ZNF236: variants seen among roughly 807,000 people sequenced by gnomAD.
ZNF236 encodes regulated by glucose.
In ZNF236, 50 loss-of-function variants were observed where a neutral mutation model predicts 191.2. The ratio of observed to expected loss-of-function variants is 0.26; its 90% CI spans 0.21 to 0.33. The LOEUF (loss-of-function observed/expected upper bound fraction) is 0.33, where lower values mean the gene tolerates loss of function less well. ZNF236 is among the 10% of genes least tolerant of loss of function. The probability of loss-of-function intolerance (pLI) is 1.00; values close to 1 mark genes in which losing one functional copy is unlikely to be tolerated. For synonymous variants in ZNF236, 907 were observed against 928.8 expected (o/e 0.98, Z 0.43); for missense variants, 1,754 against 2,374.5 (o/e 0.74, Z 5.43).
chr18:76,861,817 G>A (rs762797885), intron 3 of ZNF236, among the ~76,000 whole-genome samples: 2 of 152,128 alleles, frequency 1.3e-5, no homozygotes, highest in African/African-American at 4.8e-5. Flanking sequence ...GGTGGCGGAC[G>A]GTTGGAGGGA....
intron 4 of ZNF236, among the ~76,000 whole-genome samples, chr18:76,869,651 A>G (rs111645643): frequency 9.2e-5 from 14 of 152,298 alleles, no homozygotes; most frequent in African/African-American, 3.1e-4. Flanking sequence ...AATTTCTCCA[A>G]CAAACTCTAA....
Position 76,871,508 on chromosome 18 carries a change from T to G in ZNF236, c.543-193T>G, listed in dbSNP as rs146219774. ...AAAACAAATTTTTTTTCATCAAAAA[T>G]AGAGAAAAATGAGTTTTATGATTTT... On this transcript the variant is annotated intron_variant, in intron 4 of 30. Transcript: ENST00000320610. Among the ~76,000 whole-genome samples, 408 of 152,260 alleles carry G rather than the reference T, an allele frequency of 2.7e-3. 1 individual carries two copies. The highest frequency in any genetic ancestry group is 9.3e-3 in the African/African-American group (387 of 41,556).
chr18:76,857,031 G>A (rs1039688050), intron 3 of ZNF236, among the ~76,000 whole-genome samples: 6 of 152,238 alleles, frequency 3.9e-5, no homozygotes, highest in Admixed American at 6.5e-5. Context: ...CATCCCCGCA[G>A]GGCCTCCCTG....
rs1030498363 is a variant in ZNF236 at position 76,970,364 on chromosome 18, A to C, written c.*2025A>C. 1 of 152,636 alleles carries C rather than the reference A, an allele frequency of 6.6e-6. No homozygotes were observed. The highest frequency in any genetic ancestry group is 1.5e-5 in the Non-Finnish European group (1 of 68,032). The allele number at this position is 152,636 out of a possible 1,614,324, so 9.5% of individuals were successfully genotyped here. On this transcript the variant is annotated 3_prime_UTR_variant, in exon 31 of 31. Transcript: ENST00000320610. Reference sequence around the variant, plus strand: ...GCCTTAACAGGTGAATCTAGAGCCTACTTTTATTTTGGTTAAAGAAAAAGA... The same window carrying C: ...GCCTTAACAGGTGAATCTAGAGCCTCCTTTTATTTTGGTTAAAGAAAAAGA...
At chr18:76,958,275 A>G (rs1394094666) in intron 28 of ZNF236, among the ~76,000 whole-genome samples, 2 of 152,210 alleles carry the variant, frequency 1.3e-5, no homozygotes, top group East Asian at 3.9e-4. Context: ...AGCACTTTCT[A>G]GGGAGAACTA....
intron 1 of ZNF236, among the ~76,000 whole-genome samples, chr18:76,848,786 C>T (rs1265018748): frequency 6.6e-6 from 1 of 152,146 alleles, no homozygotes; most frequent in African/African-American, 2.4e-5. Flanking sequence ...CCACCTCAGC[C>T]TCCCGAATAG....
chr18:76,909,182 G>A (rs1296035945), intron 14 of ZNF236, among the ~76,000 whole-genome samples: 2 of 152,048 alleles, frequency 1.3e-5, no homozygotes, highest in African/African-American at 4.8e-5. Flanking sequence ...GGGTGTGGTG[G>A]TGCATACCTG....
chr18:76,924,168 A>G (rs1967614370), intron 21 of ZNF236, among the ~76,000 whole-genome samples: 1 of 152,032 alleles, frequency 6.6e-6, no homozygotes, highest in Non-Finnish European at 1.5e-5. Flanking sequence ...GGCTCCCTGT[A>G]TTTATCTCTT....
Position 76,831,647 on chromosome 18 carries a change from A to G in ZNF236, c.55+8985A>G, listed in dbSNP as rs75237288. Among the ~76,000 whole-genome samples, 12 of 152,336 alleles carry G rather than the reference A, an allele frequency of 7.9e-5. No homozygotes were observed. In the East Asian group the frequency reaches 1.9e-3, roughly 24 times the overall value. On this transcript the variant is annotated intron_variant, in intron 1 of 30. Coordinates refer to ENST00000320610, the MANE Select transcript of ZNF236 (RefSeq NM_001306089.2). The stretch of plus-strand genomic sequence containing the variant: ...TTCCAAAGTGGTTGTACCATTTTGT[A>G]TTCTCACCAGGAATGAATGAGAGTT...
At chr18:76,966,719 A>G (rs1425292495) in intron 30 of ZNF236, among the ~76,000 whole-genome samples, 1 of 152,078 alleles carries the variant, frequency 6.6e-6, no homozygotes, top group Non-Finnish European at 1.5e-5. Context: ...TTGATTCGCT[A>G]ACGTTCATGC....
chr18:76,945,236 T>C (rs1165059650), intron 26 of ZNF236, among the ~76,000 whole-genome samples: 1 of 152,256 alleles, frequency 6.6e-6, no homozygotes, highest in African/African-American at 2.4e-5. Flanking sequence ...TATTAATTTA[T>C]TGAGCCAATT....
intron 3 of ZNF236, among the ~76,000 whole-genome samples, chr18:76,864,196 CTTTTTTTTTTT>C (rs1202084465): frequency 1.2e-4 from 16 of 132,176 alleles, no homozygotes; most frequent in Admixed American, 1.1e-3. Context: ...CAACAAATAT[CTTTTTTTTTTT>C]TTTTTTTTTT....
At chr18:76,921,311 C>T (rs1400346698) in intron 20 of ZNF236, among the ~76,000 whole-genome samples, 1 of 152,270 alleles carries the variant, frequency 6.6e-6, no homozygotes, top group African/African-American at 2.4e-5. Context: ...CCTTCAACAG[C>T]GAGCTCTCGT....
intron 26 of ZNF236, among the ~76,000 whole-genome samples, chr18:76,943,794 C>T (rs1489481563): frequency 6.6e-6 from 1 of 152,140 alleles, no homozygotes; most frequent in South Asian, 2.1e-4. Context: ...CTTTCTTAGC[C>T]TTGATCTTCT....
rs1212144145 is a variant in ZNF236, at chr18:76,910,082, C to G, written c.2566C>G (p.Pro856Ala). Reference protein sequence around the residue: ...LEADEDGFVAPQDPLRGHVDQ... With the variant: ...LEADEDGFVAAQDPLRGHVDQ... ...CTCATCCTCAGATGGGTTTGTGGCT[C>G]CACAGGACCCTCTGCGAGGGCACGT... Residue 856 changes from proline (P) to alanine (A), a missense_variant, in exon 15 of 31, where the codon CCA (proline) becomes GCA (alanine). Physicochemically the swap from Pro to Ala is conservative, Grantham distance 27. Transcript: ENST00000320610. 1 of 1,612,688 alleles carries G rather than the reference C, an allele frequency of 6.2e-7. No individual in the cohort carries two copies. Among genetic ancestry groups the G allele is most frequent in the South Asian group, 1.1e-5 (1 of 91,006 alleles).
At chr18:76,841,964 G>T (rs985762815) in intron 1 of ZNF236, among the ~76,000 whole-genome samples, 1 of 152,178 alleles carries the variant, frequency 6.6e-6, no homozygotes, top group Non-Finnish European at 1.5e-5. Flanking sequence ...CTCCCAAAGT[G>T]CTGGGATTGC....
intron 10 of ZNF236, 150 bp downstream of exon 10, chr18:76,895,435 C>A: frequency 9.2e-7 from 1 of 1,092,560 alleles, no homozygotes; most frequent in Non-Finnish European, 1.3e-6. Context: ...AAGTATCACA[C>A]ACAGTACTGC....
intron 5 of ZNF236, among the ~76,000 whole-genome samples, chr18:76,872,425 A>G (rs982036715): frequency 5.3e-5 from 8 of 152,232 alleles, no homozygotes. Context: ...TGATCGTGCC[A>G]CTGCACTCCA....
At chr18:76,861,229 C>T (rs979608608) in intron 3 of ZNF236, among the ~76,000 whole-genome samples, 5 of 152,146 alleles carry the variant, frequency 3.3e-5, no homozygotes, top group East Asian at 1.9e-4. Flanking sequence ...GGCAGGCTGG[C>T]GTATGTGGTA....
Sources: gnomAD v4.1 joint callset for allele counts (sites outside exome capture counted in the v4.1 genomes callset) on GRCh38, gnomAD v4.1.1 for gene constraint, MANE v1.5 for transcripts, NCBI Gene and HGNC (gene_info 2026-07-23, HGNC 2026-07-21) for gene names.